Variants in ITGAE observed in about 807,000 individuals in gnomAD.
ITGAE encodes the protein integrin subunit alpha E, also known as integrin alpha-E.
ITGAE carries 99 observed loss-of-function variants against 136.5 expected under a neutral mutation model. The ratio of observed to expected loss-of-function variants is 0.73; its 90% CI spans 0.62 to 0.86. The LOEUF (loss-of-function observed/expected upper bound fraction) is 0.86. Among genes scored for constraint, ITGAE ranks in the 40% least tolerant of loss-of-function variants. The pLI is 0.00. For synonymous variants in ITGAE, 613 were observed against 591.8 expected (o/e 1.04, Z -0.52); for missense variants, 1,447 against 1,515.3 (o/e 0.95, Z 0.75).
At chr17:3,758,948 A>T (rs1440137341) in intron 8 of ITGAE, among the ~76,000 whole-genome samples, 1 of 148,292 alleles carries the variant, frequency 6.7e-6, no homozygotes, top group Non-Finnish European at 1.5e-5. Flanking sequence ...ACATGGTGAA[A>T]CCCCACCTCT....
chr17:3,732,168 C>T (rs1567518144), intron 22 of ITGAE, among the ~76,000 whole-genome samples, 200 bp downstream of exon 22: 1 of 152,318 alleles, frequency 6.6e-6, no homozygotes, highest in East Asian at 1.9e-4. Context: ...AGGCAGTTCA[C>T]CTAGGGCTGT....
In ITGAE at chr17:3,740,731, T is replaced by G. The variant is rs557614659; in HGVS notation, c.2449-853A>C. Among the ~76,000 whole-genome samples, 354 of 152,350 alleles carry G rather than the reference T, an allele frequency of 2.3e-3. 4 individuals carry two copies. Among genetic ancestry groups the G allele is most frequent in the Non-Finnish European group, 1.0e-3 (71 of 68,028 alleles). ...CCCTTGCCTACACATAATCGACTAA[T>G]TCTGAAAGCCACATTTCAAAAGGCC... On this transcript the variant is annotated intron_variant, in intron 19 of 30. Transcript: ENST00000263087.
chr17:3,725,799 T>C (rs1393011638), intron 26 of ITGAE: 1 of 1,609,580 alleles, frequency 6.2e-7, no homozygotes, highest in African/African-American at 1.3e-5. Context: ...GTTGTCTTCC[T>C]TGGCTACTGC....
rs151280070 is a variant in ITGAE, at chr17:3,727,257, T to G, written c.3084+662A>C. ...GCAAAGCAGAGACCAAAAAAGAGTC[T>G]CAGGGGAGAAGAAGGGAAGCTAGTA... On this transcript the variant is annotated intron_variant, in intron 26 of 30. Coordinates refer to ENST00000263087, the MANE Select transcript of ITGAE (RefSeq NM_002208.5). Among the ~76,000 whole-genome samples, 809 of 152,122 alleles carry G rather than the reference T, an allele frequency of 5.3e-3. 5 individuals carry two copies. The highest frequency in any genetic ancestry group is 0.02 in the Middle Eastern group (6 of 294).
intron 1 of ITGAE, among the ~76,000 whole-genome samples, chr17:3,790,805 C>T (rs948024470): frequency 2.0e-5 from 3 of 152,074 alleles, no homozygotes; most frequent in Admixed American, 2.0e-4. Flanking sequence ...CCACAGCAAC[C>T]GCATGTCATG....
At chr17:3,758,544 C>T (rs186281192) in intron 8 of ITGAE, among the ~76,000 whole-genome samples, 27 of 152,144 alleles carry the variant, frequency 1.8e-4, no homozygotes, top group African/African-American at 5.5e-4. Context: ...CTCTGCCTCC[C>T]GAGTTCAAGC....
chr17:3,753,501 C>T, intron 13 of ITGAE, 71 bp from the exon 14 acceptor site: 2 of 1,552,466 alleles, frequency 1.3e-6, no homozygotes, highest in South Asian at 1.2e-5. Flanking sequence ...TACACCCCTG[C>T]CCGCGTGCTT....
chr17:3,791,612 A>G (rs922990522), intron 1 of ITGAE, among the ~76,000 whole-genome samples: 1 of 152,154 alleles, frequency 6.6e-6, no homozygotes, highest in African/African-American at 2.4e-5. Flanking sequence ...GAAAATGTCC[A>G]TGTTTTTTGG....
chr17:3,789,901 T>C (rs1270556004), intron 1 of ITGAE, among the ~76,000 whole-genome samples: 1 of 152,206 alleles, frequency 6.6e-6, no homozygotes, highest in Admixed American at 6.5e-5. Flanking sequence ...GGAAGAATAA[T>C]AGAACCAAAC....
chr17:3,798,649 T>A lies in ITGAE; in HGVS notation c.34+2462A>T, dbSNP rs1331769267. Among the ~76,000 whole-genome samples, 2 of 152,152 alleles carry A rather than the reference T, an allele frequency of 1.3e-5. No homozygotes were observed. Among genetic ancestry groups the A allele is most frequent in the African/African-American group, 2.4e-5 (1 of 41,430 alleles). ...AGCCCCTGGCCTCAGCCCGAGTGCG[T>A]GCCACCAGCAGAGCGGGCCCTGGAC... On this transcript the variant is annotated intron_variant, in intron 1 of 30. Transcript: ENST00000263087. This position sits in a 1 kb window ranked among gnomAD's most constrained non-coding sequence, Gnocchi z 4.3.
At chr17:3,715,820 G>GCCA (rs1349424678) in intron 30 of ITGAE, among the ~76,000 whole-genome samples, 2 of 152,136 alleles carry the variant, frequency 1.3e-5, no homozygotes, top group East Asian at 1.9e-4. Flanking sequence ...CCTTAACTGT[G>GCCA]CCACTGAGCT....
intron 1 of ITGAE, among the ~76,000 whole-genome samples, chr17:3,791,977 C>G (rs1692396469): frequency 6.6e-6 from 1 of 152,092 alleles, no homozygotes; most frequent in South Asian, 2.1e-4. Context: ...ATTTTATTAT[C>G]CAAAAATCAA....
Position 3,724,768 on chromosome 17 carries a change from G to A in ITGAE, c.3085-1024C>T, listed in dbSNP as rs200156910. 557 of 1,614,222 alleles carry A rather than the reference G, an allele frequency of 3.5e-4. No individual in the cohort carries two copies. The highest frequency in any genetic ancestry group is 4.6e-4 in the Non-Finnish European group (543 of 1,180,034). On this transcript the variant is annotated intron_variant, in intron 26 of 30. Transcript: ENST00000263087. ...TGCTGTAAAAGGAAACTGGTGGTGG[G>A]AAATGGACCAGAGGGTCCAGGTCTG...
At position 3,760,169 on chromosome 17, in the gene ITGAE, C is replaced by G. The variant is rs770001647; in HGVS notation, c.714+3G>C. On this transcript the variant is annotated splice_donor_region_variant and intron_variant, in intron 7 of 30. Coordinates refer to ENST00000263087, the MANE Select transcript of ITGAE (RefSeq NM_002208.5). ...GTGTTAACCAGCTCTTAGGGAAGCCCACCTCAAAACACTTTTCATAGAAGT... is the reference window on the plus strand; with the variant it reads ...GTGTTAACCAGCTCTTAGGGAAGCCGACCTCAAAACACTTTTCATAGAAGT... 1 of 1,575,676 alleles carries G rather than the reference C, an allele frequency of 6.3e-7. No individual in the cohort carries two copies. The highest frequency in any genetic ancestry group is 8.7e-7 in the Non-Finnish European group (1 of 1,145,242).
At chr17:3,757,628 C>G in intron 9 of ITGAE, 78 bp downstream of exon 9, 10 of 1,480,842 alleles carry the variant, frequency 6.8e-6, no homozygotes, top group Non-Finnish European at 8.3e-6. Context: ...TACAGAAAAG[C>G]CCCCATCGAC....
Position 3,714,635 on chromosome 17 carries a change from A to C in ITGAE, c.*212T>G, listed in dbSNP as rs2050909916. 1 of 439,798 alleles carries C rather than the reference A, an allele frequency of 2.3e-6. No individual in the cohort carries two copies. The highest frequency in any genetic ancestry group is 4.0e-6 in the Non-Finnish European group (1 of 250,810). The allele number at this position is 439,798 out of a possible 1,614,324, so 27.2% of individuals were successfully genotyped here. On this transcript the variant is annotated 3_prime_UTR_variant, in exon 31 of 31. Coordinates refer to ENST00000263087, the MANE Select transcript of ITGAE (RefSeq NM_002208.5). ...CCAGATTAAAGGCACTACTGCAAAG[A>C]AAAGTGTAAATTTATTTAATACCAA...
intron 16 of ITGAE, among the ~76,000 whole-genome samples, chr17:3,750,016 A>AG (rs2051823969): frequency 6.6e-6 from 1 of 152,182 alleles, no homozygotes; most frequent in Admixed American, 6.5e-5. Flanking sequence ...ACTCCGCCTC[A>AG]GAAAAAAAAC....
chr17:3,725,500 A>G (rs1792194344), intron 26 of ITGAE: 2 of 1,614,138 alleles, frequency 1.2e-6, no homozygotes, highest in Admixed American at 1.7e-5. Flanking sequence ...GATTTAGTCA[A>G]TGGATCCCAT....
intron 13 of ITGAE, 86 bp from the exon 14 acceptor site, chr17:3,753,516 G>A: frequency 6.6e-7 from 1 of 1,510,248 alleles, no homozygotes; most frequent in South Asian, 1.2e-5. Context: ...GTGCTTCCTG[G>A]ACCACCCAAT....
Sources: allele counts gnomAD v4.1 joint callset (sites outside exome capture counted in the v4.1 genomes callset), GRCh38; gene constraint gnomAD v4.1.1; non-coding constraint Gnocchi (gnomAD v3.1); transcripts MANE v1.5; gene names NCBI Gene and HGNC (gene_info 2026-07-23, HGNC 2026-07-21).